The following DGKB variants were observed in gnomAD, a reference collection of about 807,000 sequenced individuals.
The protein encoded by DGKB is diacylglycerol kinase beta, also known as 90 kDa diacylglycerol kinase.
DGKB carries 67 observed loss-of-function variants against 114.3 expected under a neutral mutation model. That is an observed-to-expected ratio of 0.59 (90% CI 0.48 to 0.72). The LOEUF (loss-of-function observed/expected upper bound fraction) is 0.72. DGKB is among the 30% of genes least tolerant of loss of function. DGKB has a pLI of 0.00. For synonymous variants in DGKB, 398 were observed against 323.1 expected, an observed-to-expected ratio of 1.23 and a Z score of -2.49; for missense variants, 907 against 975.2, an observed-to-expected ratio of 0.93 and a Z score of 0.93.
intron 1 of DGKB, among the ~76,000 whole-genome samples, chr7:14,961,736 A>G (rs1411360258): frequency 6.6e-6 from 1 of 152,104 alleles, no homozygotes; most frequent in Non-Finnish European, 1.5e-5. Flanking sequence ...GGGCTGGTAG[A>G]TTTTATAAAA....
At chr7:14,956,036 C>G (rs1202786669) in intron 1 of DGKB, among the ~76,000 whole-genome samples, 1 of 151,862 alleles carries the variant, frequency 6.6e-6, no homozygotes, top group African/African-American at 2.4e-5. Flanking sequence ...ATACAAATAA[C>G]ATTGGCAAAA....
intron 2 of DGKB, among the ~76,000 whole-genome samples, chr7:14,785,739 A>C (rs1290912250): frequency 6.6e-6 from 1 of 152,194 alleles, no homozygotes; most frequent in Non-Finnish European, 1.5e-5. Context: ...TGAAATACAC[A>C]GCCATTGTAC....
chr7:14,910,246 GA>G (rs1783917915), intron 1 of DGKB, among the ~76,000 whole-genome samples: 1 of 2,720 alleles, frequency 3.7e-4, no homozygotes, highest in Non-Finnish European at 7.0e-4. Flanking sequence ...ATCAAAAAAA[GA>G]AAGAAAGAAA....
chr7:14,681,021 A>G lies in DGKB; in HGVS notation c.1035+1532T>C, dbSNP rs942145826. Among the ~76,000 whole-genome samples the G allele has an allele frequency of 5.3e-5, 8 of 152,026 alleles. No individual in the cohort carries two copies. In the South Asian group the frequency reaches 8.3e-4, roughly 16 times the overall value. On this transcript the variant is annotated intron_variant, in intron 12 of 25. Transcript: ENST00000402815. Reference sequence around the variant, plus strand: ...CAGCTTATGTTAAAGTTAAGATATAACCAGTGAAATATTCACTATATGAAA... The same window carrying G: ...CAGCTTATGTTAAAGTTAAGATATAGCCAGTGAAATATTCACTATATGAAA...
Position 14,314,442 on chromosome 7 carries a change from C to T in DGKB, c.2122+24073G>A, listed in dbSNP as rs749677017. On this transcript the variant is annotated intron_variant, in intron 23 of 25. Coordinates refer to ENST00000402815, the MANE Select transcript of DGKB (RefSeq NM_001350709.2). Reference sequence around the variant, plus strand: ...CAATACAGAGAAGTGCTTAAAGGAGCTGATGGAGCTGAAAACCAAGGCTCG... The same window carrying T: ...CAATACAGAGAAGTGCTTAAAGGAGTTGATGGAGCTGAAAACCAAGGCTCG... Among the ~76,000 whole-genome samples the T allele has an allele frequency of 7.5e-3, 1,135 of 151,642 alleles. 8 individuals are homozygous for T. The highest frequency in any genetic ancestry group is 0.013 in the Non-Finnish European group (872 of 67,850).
chr7:14,313,417 C>T (rs1383892223), intron 23 of DGKB, among the ~76,000 whole-genome samples: 3 of 152,034 alleles, frequency 2.0e-5, no homozygotes, highest in Non-Finnish European at 2.9e-5. Flanking sequence ...TGGGTGTGCG[C>T]ACAGTGCGCG....
intron 21 of DGKB, among the ~76,000 whole-genome samples, chr7:14,402,367 T>G (rs556038172): frequency 6.6e-6 from 1 of 151,972 alleles, no homozygotes; most frequent in South Asian, 2.1e-4. Context: ...TAATTTTAAT[T>G]CCAGGAACAT....
intron 21 of DGKB, among the ~76,000 whole-genome samples, chr7:14,398,286 G>A (rs1234721065): frequency 6.6e-6 from 1 of 151,972 alleles, no homozygotes; most frequent in Non-Finnish European, 1.5e-5. Flanking sequence ...GGTCTTCTAT[G>A]TTTCCTTGAG....
intron 5 of DGKB, among the ~76,000 whole-genome samples, chr7:14,720,444 A>G (rs1312445009): frequency 8.0e-5 from 12 of 150,096 alleles, no homozygotes; most frequent in South Asian, 2.1e-4. Context: ...AGCTGGGATT[A>G]CTGGTGCGGG....
At chr7:14,265,730 C>T (rs1266182498) in intron 23 of DGKB, among the ~76,000 whole-genome samples, 1 of 152,114 alleles carries the variant, frequency 6.6e-6, no homozygotes, top group Non-Finnish European at 1.5e-5. Flanking sequence ...AATATACCCT[C>T]ATGGTTGACA....
chr7:14,703,642 C>T (rs534609178), intron 6 of DGKB, among the ~76,000 whole-genome samples: 4 of 152,034 alleles, frequency 2.6e-5, no homozygotes, highest in East Asian at 1.9e-4. Context: ...TGATGGGAGG[C>T]GGCAGTGATT....
intron 23 of DGKB, among the ~76,000 whole-genome samples, chr7:14,313,752 T>C (rs6977946): frequency 3.3e-5 from 5 of 151,764 alleles, no homozygotes; most frequent in African/African-American, 9.7e-5. Flanking sequence ...CAAAGCAGCC[T>C]GGAAGCTCCA....
chr7:14,471,208 GTATA>G (rs1563257556), intron 21 of DGKB, among the ~76,000 whole-genome samples: 1 of 138,808 alleles, frequency 7.2e-6, no homozygotes. Context: ...TGGAATATAT[GTATA>G]TATACATATA....
chr7:14,213,714 T>G (rs1162388279), intron 23 of DGKB, among the ~76,000 whole-genome samples: 1 of 152,142 alleles, frequency 6.6e-6, no homozygotes, highest in Non-Finnish European at 1.5e-5. Flanking sequence ...TTGCTGTTAT[T>G]GCTCTGAGTA....
intron 23 of DGKB, among the ~76,000 whole-genome samples, chr7:14,214,266 C>T (rs900251509): frequency 6.6e-6 from 1 of 152,118 alleles, no homozygotes; most frequent in African/African-American, 2.4e-5. Flanking sequence ...TATTTGTTGA[C>T]ACTCTTGTCT....
chr7:14,841,103 G>T, intron 2 of DGKB, 91 bp downstream of exon 2: 1 of 1,156,494 alleles, frequency 8.6e-7, no homozygotes. Context: ...TCCCCATGAA[G>T]AACAGGATCT....
At chr7:14,647,007 A>C (rs1374777786) in intron 13 of DGKB, among the ~76,000 whole-genome samples, 1 of 151,892 alleles carries the variant, frequency 6.6e-6, no homozygotes, top group Non-Finnish European at 1.5e-5. Context: ...AGACTAAAAA[A>C]TTACAAACAG....
intron 23 of DGKB, chr7:14,209,090 A>G (rs1787311809): frequency 5.5e-6 from 1 of 182,822 alleles, no homozygotes; most frequent in African/African-American, 2.4e-5. Context: ...GAATATAATT[A>G]TAGCTAGATG....
intron 1 of DGKB, among the ~76,000 whole-genome samples, chr7:14,859,925 T>C (rs996695955): frequency 2.6e-5 from 4 of 152,022 alleles, no homozygotes; most frequent in African/African-American, 9.7e-5. Flanking sequence ...ACCGAAGTTG[T>C]ACCCAAAGCC....
Sources: gnomAD v4.1 joint callset for allele counts (sites outside exome capture counted in the v4.1 genomes callset) on GRCh38, gnomAD v4.1.1 for gene constraint, MANE v1.5 for transcripts, NCBI Gene and HGNC (gene_info 2026-07-23, HGNC 2026-07-21) for gene names.